Variants in NCR3LG1 observed in about 807,000 individuals in gnomAD.
The protein encoded by NCR3LG1 is natural killer cell cytotoxicity receptor 3 ligand 1, also known as natural cytotoxicity triggering receptor 3 ligand 1.
A neutral mutation model predicts 34.8 loss-of-function variants in NCR3LG1; 35 were observed. The ratio of observed to expected loss-of-function variants is 1.01; its 90% CI spans 0.77 to 1.33. The LOEUF is 1.33. NCR3LG1 is among the 40% of genes most tolerant of loss of function. The pLI, the probability that NCR3LG1 is intolerant of heterozygous loss-of-function variation, is 0.00. For missense variants in NCR3LG1, 452 were observed against 423.3 expected (o/e 1.07, Z -0.60); for synonymous variants, 173 against 163.6 (o/e 1.06, Z -0.44).
At position 17,367,360 on chromosome 11, in the gene NCR3LG1, C is replaced by A. The variant is rs770771694; in HGVS notation, c.760+13C>A. 6 of 1,518,066 alleles carry A rather than the reference C, an allele frequency of 4.0e-6. No homozygotes were observed. The East Asian group carries it at 1.5e-4, about 37-fold the overall frequency. The allele number at this position is 1,518,066 out of a possible 1,614,324, so 94.0% of individuals were successfully genotyped here. On this transcript the variant is annotated intron_variant, in intron 3 of 4. Coordinates refer to ENST00000338965, the MANE Select transcript of NCR3LG1 (RefSeq NM_001202439.3). Reference sequence around the variant, plus strand: ...CACAGTCTTTCTGGTAAGGGTCTTTCTGGACATTTCTTCTCTTCCTTGCCT... The same window carrying A: ...CACAGTCTTTCTGGTAAGGGTCTTTATGGACATTTCTTCTCTTCCTTGCCT...
intron 2 of NCR3LG1, among the ~76,000 whole-genome samples, chr11:17,362,729 TTTCTTTCTTTCTTTCTTTCTTTC>T (rs1953289441): frequency 7.1e-5 from 7 of 99,036 alleles, no homozygotes; most frequent in African/African-American, 4.1e-4. Flanking sequence ...TCTTTCTTTC[TTTCTTTCTTTCTTTCTTTCTTTC>T]TTTCTTTCTT....
intron 2 of NCR3LG1, among the ~76,000 whole-genome samples, chr11:17,364,515 A>G (rs1386670836): frequency 6.7e-6 from 1 of 149,040 alleles, no homozygotes; most frequent in East Asian, 2.0e-4. Context: ...GTTTCTATTA[A>G]CATCTTCAAG....
Position 17,367,161 on chromosome 11 carries a change from G to A in NCR3LG1, c.574G>A (p.Glu192Lys), listed in dbSNP as rs1389365668. 4.4e-5 allele frequency: 68 copies of A among 1,536,616 alleles called. No homozygotes were observed. The highest frequency in any genetic ancestry group is 1.7e-4 in the Middle Eastern group (1 of 5,996). Residue 192 changes from glutamate (E) to lysine (K), a missense_variant, in exon 3 of 5, where the codon GAG becomes AAG. Coordinates refer to ENST00000338965, the MANE Select transcript of NCR3LG1 (RefSeq NM_001202439.3). ...GTTTCCCCATCCCATAGAGATTTCT[G>A]AGGATGTCATCACTGGTCCCACCAT... ...QKFPHPIEIS[E>K]DVITGPTIKN...
At chr11:17,358,359 G>C (rs186481465) in intron 2 of NCR3LG1, among the ~76,000 whole-genome samples, 3 of 152,284 alleles carry the variant, frequency 2.0e-5, no homozygotes, top group Non-Finnish European at 4.4e-5. Flanking sequence ...TGACAGTTTG[G>C]TGAGGGTATT....
At chr11:17,363,961 A>G (rs1417135734) in intron 2 of NCR3LG1, among the ~76,000 whole-genome samples, 2 of 152,170 alleles carry the variant, frequency 1.3e-5, no homozygotes, top group Non-Finnish European at 2.9e-5. Context: ...TTGGATATTT[A>G]TCATGCCTGG....
At position 17,375,276 on chromosome 11, in the gene NCR3LG1, G is replaced by T. The variant is rs1397336929; in HGVS notation, c.*2764G>T. ...GAAACTGGAGAAACTGAACATAATT[G>T]TGAACAGACTGTAGTACAACCTATG... On this transcript the variant is annotated 3_prime_UTR_variant, in exon 5 of 5. Transcript: ENST00000338965. 6.6e-6 allele frequency: 1 copy of T among 152,192 alleles called. No homozygotes were observed. Among genetic ancestry groups the T allele is most frequent in the Non-Finnish European group, 1.5e-5 (1 of 68,046 alleles). 9.4% of individuals were successfully genotyped at this position (152,192 alleles called of 1,614,324 possible). A position where few individuals can be genotyped will look rare whatever the true frequency, so the allele number is the denominator to read the frequency against.
Position 17,375,717 on chromosome 11 carries a change from T to A in NCR3LG1, c.*3205T>A, listed in dbSNP as rs187742485. 3 of 152,216 alleles carry A rather than the reference T, an allele frequency of 2.0e-5. No homozygotes were observed. The highest frequency in any genetic ancestry group is 2.0e-4 in the Admixed American group (3 of 15,294). The allele number at this position is 152,216 out of a possible 1,614,324, so 9.4% of individuals were successfully genotyped here. On this transcript the variant is annotated 3_prime_UTR_variant, in exon 5 of 5. Transcript: ENST00000338965. ...GCAGAGGGCATCAGAAGCGGGTAGA[T>A]GAAATAGCGAAAGGAAACAGGCTAG...
rs765837697 is a variant in NCR3LG1, at chr11:17,374,411, G to A, written c.*1899G>A. The A allele has an allele frequency of 5.9e-5, 9 of 152,152 alleles. No homozygotes were observed. The highest frequency in any genetic ancestry group is 1.9e-4 in the African/African-American group (8 of 41,444). 9.4% of individuals were successfully genotyped at this position (152,152 alleles called of 1,614,324 possible). ...GCAAGTATTGTCAAGAGATCTCTTCGAATTCTTCCATTCTCAGGTTAAAGT... is the reference window on the plus strand; with the variant it reads ...GCAAGTATTGTCAAGAGATCTCTTCAAATTCTTCCATTCTCAGGTTAAAGT... On this transcript the variant is annotated 3_prime_UTR_variant, in exon 5 of 5. Transcript: ENST00000338965.
intron 2 of NCR3LG1, among the ~76,000 whole-genome samples, chr11:17,366,585 T>C (rs1469799247): frequency 6.6e-6 from 1 of 152,208 alleles, no homozygotes. Flanking sequence ...ATGAAAGGTG[T>C]CTGTTTCACA....
Position 17,375,162 on chromosome 11 carries a change from T to G in NCR3LG1, c.*2650T>G, listed in dbSNP as rs1177799088. On this transcript the variant is annotated 3_prime_UTR_variant, in exon 5 of 5. Coordinates refer to ENST00000338965, the MANE Select transcript of NCR3LG1 (RefSeq NM_001202439.3). ...AGTCTCTGGCTAACAGACAGCTGCCTCCTCAAGTATCAGACTTTGCTGCTA... is the reference window on the plus strand; with the variant it reads ...AGTCTCTGGCTAACAGACAGCTGCCGCCTCAAGTATCAGACTTTGCTGCTA... 1 of 152,218 alleles carries G rather than the reference T, an allele frequency of 6.6e-6. No individual in the cohort carries two copies. The highest frequency in any genetic ancestry group is 1.5e-5 in the Non-Finnish European group (1 of 68,032). 9.4% of individuals were successfully genotyped at this position (152,218 alleles called of 1,614,324 possible). A position where few individuals can be genotyped will look rare whatever the true frequency, so the allele number is the denominator to read the frequency against.
intron 2 of NCR3LG1, among the ~76,000 whole-genome samples, chr11:17,366,159 G>A (rs1359297572): frequency 6.6e-6 from 1 of 152,136 alleles, no homozygotes; most frequent in Non-Finnish European, 1.5e-5. Flanking sequence ...GCCAGCCCAG[G>A]GCAGATATGG....
At chr11:17,381,262 A>G (rs1394772727), downstream of NCR3LG1, 1 of 152,306 alleles carries the variant, frequency 6.6e-6, no homozygotes, top group African/African-American at 2.4e-5. Context: ...TGAGGGAAGT[A>G]ACCCATGCAC....
At chr11:17,378,471 T>G (rs1038958529), downstream of NCR3LG1, among the ~76,000 whole-genome samples, 9 of 152,176 alleles carry the variant, frequency 5.9e-5, no homozygotes, top group African/African-American at 2.2e-4. Context: ...TAACTCAAAT[T>G]GTTTCCTCTC....
chr11:17,361,846 T>C (rs1434337301), intron 2 of NCR3LG1, among the ~76,000 whole-genome samples: 1 of 151,692 alleles, frequency 6.6e-6, no homozygotes, highest in Non-Finnish European at 1.5e-5. Context: ...GGTCTCACTA[T>C]GTTGCCCAGG....
intron 2 of NCR3LG1, among the ~76,000 whole-genome samples, chr11:17,358,480 T>G (rs1159080491): frequency 6.6e-6 from 1 of 152,178 alleles, no homozygotes; most frequent in African/African-American, 2.4e-5. Flanking sequence ...TAAACTGCCA[T>G]TTTCATCACA....
rs780500654 is a variant in NCR3LG1 at position 17,356,832 on chromosome 11, T to C, written c.252T>C (p.Asp84=). The C allele has an allele frequency of 5.9e-6, 9 of 1,536,074 alleles. No homozygotes were observed. The South Asian group carries it at 9.5e-5, about 16-fold the overall frequency. The change falls in exon 2 of 5, where the codon GAT becomes GAC. Residue 84 remains aspartate (D), a synonymous_variant. Transcript: ENST00000338965. The part of the protein sequence containing the change: ...KEVKVFEFFG[D]HQEAFRPGAI... ...TCAAAGTCTTTGAATTTTTTGGAGA[T>C]CACCAAGAGGCATTCCGACCTGGAG...
chr11:17,352,881 A>C (rs1953155212), intron 1 of NCR3LG1, among the ~76,000 whole-genome samples: 1 of 152,000 alleles, frequency 6.6e-6, no homozygotes, highest in Non-Finnish European at 1.5e-5. Flanking sequence ...GCGTATGTAG[A>C]GATATTTAAA....
rs371298713 is a variant in NCR3LG1 at position 17,375,722 on chromosome 11, T to C, written c.*3210T>C. On this transcript the variant is annotated 3_prime_UTR_variant, in exon 5 of 5. Transcript: ENST00000338965. Reference sequence around the variant, plus strand: ...GGGCATCAGAAGCGGGTAGATGAAATAGCGAAAGGAAACAGGCTAGCAGAC... The same window carrying C: ...GGGCATCAGAAGCGGGTAGATGAAACAGCGAAAGGAAACAGGCTAGCAGAC... The C allele has an allele frequency of 1.3e-5, 2 of 152,092 alleles. No individual in the cohort carries two copies. Among genetic ancestry groups the C allele is most frequent in the Non-Finnish European group, 2.9e-5 (2 of 68,024 alleles). 9.4% of individuals were successfully genotyped at this position (152,092 alleles called of 1,614,324 possible).
intron 2 of NCR3LG1, among the ~76,000 whole-genome samples, chr11:17,366,712 T>C (rs1340745942): frequency 1.3e-5 from 2 of 152,220 alleles, no homozygotes; most frequent in African/African-American, 2.4e-5. Context: ...CAAGCTGACT[T>C]GCATTCAGTC....
Sources: allele counts gnomAD v4.1 joint callset (sites outside exome capture counted in the v4.1 genomes callset), GRCh38; gene constraint gnomAD v4.1.1; transcripts MANE v1.5; gene names NCBI Gene and HGNC (gene_info 2026-07-23, HGNC 2026-07-21).